Variants in ZNF680 observed in about 807,000 individuals in gnomAD.
ZNF680 encodes the protein zinc finger protein 680.
In ZNF680, 6 loss-of-function variants were observed where a neutral mutation model predicts 12.1. The ratio of observed to expected loss-of-function variants is 0.49; its 90% CI spans 0.27 to 0.98. The LOEUF (loss-of-function observed/expected upper bound fraction) is 0.98, where lower values mean the gene tolerates loss of function less well. ZNF680 is among the 50% of genes least tolerant of loss of function. ZNF680 has a pLI of 0.12. For missense variants in ZNF680, 561 were observed against 616.3 expected, an observed-to-expected ratio of 0.91 and a Z score of 0.95; for synonymous variants, 170 against 199.3, an observed-to-expected ratio of 0.85 and a Z score of 1.24.
chr7:64,506,046 T>C, the ZNF680 span, among the ~76,000 whole-genome samples: 2 of 152,164 alleles, frequency 1.3e-5, no homozygotes, highest in East Asian at 3.9e-4. Flanking sequence ...TGACCTAATT[T>C]TATGAGTAAT....
At chr7:64,537,216 G>A (rs1411518159) in intron 3 of ZNF680, among the ~76,000 whole-genome samples, 1 of 152,198 alleles carries the variant, frequency 6.6e-6, no homozygotes, top group Non-Finnish European at 1.5e-5. Flanking sequence ...GCTGGGTGTA[G>A]TGGCTCAAAT....
the ZNF680 span, among the ~76,000 whole-genome samples, chr7:64,512,323 T>G: frequency 6.7e-6 from 1 of 148,276 alleles, no homozygotes; most frequent in Non-Finnish European, 1.5e-5. Flanking sequence ...CTTGGTGGCG[T>G]GCGCCTGTAG....
At chr7:64,513,706 C>T in the ZNF680 span, among the ~76,000 whole-genome samples, 3 of 151,840 alleles carry the variant, frequency 2.0e-5, no homozygotes, top group African/African-American at 4.8e-5. Flanking sequence ...AGTGCAGTGG[C>T]GTGATCTCAG....
At chr7:64,558,427 G>GT (rs1787539509) in intron 1 of ZNF680, among the ~76,000 whole-genome samples, 1 of 152,116 alleles carries the variant, frequency 6.6e-6, no homozygotes, top group Non-Finnish European at 1.5e-5. Flanking sequence ...CTAATTTCCT[G>GT]TAAGTTTTCA....
rs779583968 is a variant in ZNF680 at position 64,521,467 on chromosome 7, A to C, written c.1287T>G (p.Thr429=). ...SSLTRHKRIH[T]RENTYKCEEC... ...CTTCACATTTGTAGGTATTCTCTCTAGTGTGAATTCTCTTATGTCGAGTAA... is the reference window on the plus strand; with the variant it reads ...CTTCACATTTGTAGGTATTCTCTCTCGTGTGAATTCTCTTATGTCGAGTAA... The change falls in exon 4 of 4, where the codon ACT becomes ACG. Residue 429 remains threonine, a synonymous_variant. Coordinates refer to ENST00000309683, the MANE Select transcript of ZNF680 (RefSeq NM_178558.5). The C allele has an allele frequency of 3.1e-6, 5 of 1,613,564 alleles. No individual in the cohort carries two copies. In the South Asian group the frequency reaches 5.5e-5, roughly 18 times the overall value.
chr7:64,561,920 G>A (rs1160370417), intron 1 of ZNF680, among the ~76,000 whole-genome samples: 1 of 91,868 alleles, frequency 1.1e-5, no homozygotes, highest in African/African-American at 3.9e-5. Flanking sequence ...GGGCGACAGA[G>A]CAAGACTCCG....
chr7:64,541,895 C>CCA (rs1786525209), intron 3 of ZNF680, among the ~76,000 whole-genome samples: 1 of 152,182 alleles, frequency 6.6e-6, no homozygotes, highest in South Asian at 2.1e-4. Context: ...GCTCCCTGAG[C>CCA]CACAGTTCAC....
chr7:64,503,903 A>G, the ZNF680 span, among the ~76,000 whole-genome samples: 1 of 152,238 alleles, frequency 6.6e-6, no homozygotes, highest in Non-Finnish European at 1.5e-5. Flanking sequence ...TCCTAGCAAT[A>G]AAAACACACT....
chr7:64,515,240 C>T (rs992561728), downstream of ZNF680, among the ~76,000 whole-genome samples: 9 of 151,992 alleles, frequency 5.9e-5, no homozygotes, highest in East Asian at 1.5e-3. Flanking sequence ...TTAAATTATT[C>T]TTGACTTACA....
At chr7:64,539,377 A>AAAAAAAAAAT (rs1786375149) in intron 3 of ZNF680, among the ~76,000 whole-genome samples, 1 of 88,922 alleles carries the variant, frequency 1.1e-5, no homozygotes, top group African/African-American at 4.5e-5. Flanking sequence ...AAAAAAAAAG[A>AAAAAAAAAAT]AAAGAAAATC....
chr7:64,558,213 G>A (rs368643024), intron 1 of ZNF680, among the ~76,000 whole-genome samples: 13 of 152,134 alleles, frequency 8.5e-5, no homozygotes, highest in African/African-American at 3.1e-4. Context: ...TCAGTGTCTG[G>A]GGGTGGGGAT....
chr7:64,518,127 T>C (rs138465799), downstream of ZNF680, among the ~76,000 whole-genome samples: 21 of 151,740 alleles, frequency 1.4e-4, no homozygotes, highest in African/African-American at 4.8e-4. Context: ...CAAAGAGGAA[T>C]TTAAGCTGTC....
At chr7:64,500,940 T>C in the ZNF680 span, 5 of 638,946 alleles carry the variant, frequency 7.8e-6, no homozygotes, top group Non-Finnish European at 1.5e-5. Context: ...ATCTTTTCGA[T>C]GTGCAGCAAA....
chr7:64,554,697 C>A (rs898109045), intron 1 of ZNF680, among the ~76,000 whole-genome samples: 1 of 152,140 alleles, frequency 6.6e-6, no homozygotes, highest in Non-Finnish European at 1.5e-5. Flanking sequence ...CCCCCAACCC[C>A]GTGCTCTCTG....
At position 64,556,259 on chromosome 7, in the gene ZNF680, TAAAAA is replaced by T. The variant is rs58056053; in HGVS notation, c.30+6661_30+6665del. On this transcript the variant is annotated intron_variant, in intron 1 of 3. Transcript: ENST00000309683. ...CTACCAATAACATTCTTCACGGAACTAAAAAAAAAAAAAAAAAAAAGTATTTTAAA... is the reference window on the plus strand; with the variant it reads ...CTACCAATAACATTCTTCACGGAACTAAAAAAAAAAAAAAAGTATTTTAAA... Among the ~76,000 whole-genome samples the T allele has an allele frequency of 6.8e-5, 6 of 88,494 alleles. No individual in the cohort carries two copies. The East Asian group carries it at 1.1e-3, about 16-fold the overall frequency. The allele number at this position is 88,494 out of a possible 152,430, so 58.1% of individuals were successfully genotyped here.
chr7:64,507,647 G>A, the ZNF680 span, among the ~76,000 whole-genome samples: 1 of 151,804 alleles, frequency 6.6e-6, no homozygotes, highest in African/African-American at 2.4e-5. Flanking sequence ...GATTACAGGT[G>A]TGAGCCATCC....
the ZNF680 span, chr7:64,501,255 T>A: frequency 1.1e-6 from 1 of 910,862 alleles, no homozygotes; most frequent in Non-Finnish European, 1.8e-6. Context: ...ATTTTCCTCC[T>A]CCTCCTCCTA....
At chr7:64,554,216 G>C (rs1287035120) in intron 1 of ZNF680, among the ~76,000 whole-genome samples, 3 of 140,002 alleles carry the variant, frequency 2.1e-5, no homozygotes, top group African/African-American at 8.5e-5. Context: ...GAGATGTGAA[G>C]AGCGCCTCTG....
intron 1 of ZNF680, among the ~76,000 whole-genome samples, chr7:64,561,731 A>G (rs527825607): frequency 4.0e-5 from 6 of 151,814 alleles, no homozygotes; most frequent in African/African-American, 1.4e-4. Context: ...TCAGGAGATC[A>G]AGACCATCCT....
Sources: gnomAD v4.1 joint callset for allele counts (sites outside exome capture counted in the v4.1 genomes callset) on GRCh38, gnomAD v4.1.1 for gene constraint, MANE v1.5 for transcripts, NCBI Gene and HGNC (gene_info 2026-07-23, HGNC 2026-07-21) for gene names.